DLGAP2: variants seen among roughly 807,000 people sequenced by gnomAD.
DLGAP2 encodes the protein disks large-associated protein 2.
Under a neutral mutation model 100.3 loss-of-function variants are expected in DLGAP2, and 26 were observed. The ratio of observed to expected loss-of-function variants is 0.26; its 90% CI spans 0.19 to 0.36. The LOEUF (loss-of-function observed/expected upper bound fraction) is 0.36. Among genes scored for constraint, DLGAP2 ranks in the 10% least tolerant of loss-of-function variants. The pLI, the probability that DLGAP2 is intolerant of heterozygous loss-of-function variation, is 1.00. For synonymous variants in DLGAP2, 886 were observed against 630.1 expected (o/e 1.41, Z -6.08); for missense variants, 1,858 against 1,453.2 (o/e 1.28, Z -4.53).
intron 2 of DLGAP2, among the ~76,000 whole-genome samples, chr8:973,522 C>T (rs976032239): frequency 9.2e-5 from 14 of 152,038 alleles, no homozygotes; most frequent in African/African-American, 2.4e-4. Flanking sequence ...GATGGGCGGC[C>T]GGGCAGAGAT....
intron 2 of DLGAP2, among the ~76,000 whole-genome samples, chr8:1,192,829 C>A (rs997795867): frequency 6.6e-6 from 1 of 151,954 alleles, no homozygotes; most frequent in Non-Finnish European, 1.5e-5. Flanking sequence ...CCACTCCCCC[C>A]ACCCCACAAC....
At chr8:1,389,201 A>T (rs1796288688) in intron 3 of DLGAP2, among the ~76,000 whole-genome samples, 1 of 152,072 alleles carries the variant, frequency 6.6e-6, no homozygotes, top group African/African-American at 2.4e-5. Context: ...GGACCTCTTT[A>T]TGGGAAATGC....
chr8:1,211,464 C>T (rs983097056), intron 2 of DLGAP2, among the ~76,000 whole-genome samples: 1 of 152,230 alleles, frequency 6.6e-6, no homozygotes, highest in Non-Finnish European at 1.5e-5. Flanking sequence ...ATCCAGAATT[C>T]ATTAAAAATT....
At chr8:958,057 C>G (rs1250047883) in intron 2 of DLGAP2, among the ~76,000 whole-genome samples, 1 of 152,160 alleles carries the variant, frequency 6.6e-6, no homozygotes, top group Non-Finnish European at 1.5e-5. Context: ...ACCCCCAGCC[C>G]CTGGCAGCCT....
intron 2 of DLGAP2, among the ~76,000 whole-genome samples, chr8:1,247,372 A>G (rs1476093638): frequency 6.9e-6 from 1 of 145,196 alleles, no homozygotes; most frequent in Non-Finnish European, 1.5e-5. Context: ...TGTGGGAGTG[A>G]TGGTCCATGT....
At chr8:1,477,557 G>A (rs1372296483) in intron 3 of DLGAP2, among the ~76,000 whole-genome samples, 1 of 152,152 alleles carries the variant, frequency 6.6e-6, no homozygotes, top group Non-Finnish European at 1.5e-5. Flanking sequence ...GCAGCCCGGT[G>A]GTCATCTTCA....
rs368796006 is a variant in DLGAP2 at position 1,386,823 on chromosome 8, C to T, written c.107-114543C>T. Among the ~76,000 whole-genome samples, 25 of 151,916 alleles carry T rather than the reference C, an allele frequency of 1.6e-4. No homozygotes were observed. In the East Asian group the frequency reaches 2.1e-3, roughly 13 times the overall value. On this transcript the variant is annotated intron_variant, in intron 3 of 14. Transcript: ENST00000637795. The stretch of plus-strand genomic sequence containing the variant: ...GGATTGATTTTTGAATGGGTTTTAC[C>T]ATATTGATGGAAAAAAAATGCTATG...
At chr8:1,091,713 G>C (rs2129041637) in intron 2 of DLGAP2, among the ~76,000 whole-genome samples, 1 of 152,218 alleles carries the variant, frequency 6.6e-6, no homozygotes, top group Middle Eastern at 3.4e-3. Flanking sequence ...TGGACGTCTG[G>C]GTTGTTGACG....
intron 1 of DLGAP2, among the ~76,000 whole-genome samples, chr8:866,286 G>T (rs1331625610): frequency 2.0e-5 from 3 of 152,210 alleles, no homozygotes; most frequent in African/African-American, 7.2e-5. Flanking sequence ...TCTACAAGGG[G>T]CCCTGATTCC....
intron 2 of DLGAP2, among the ~76,000 whole-genome samples, chr8:1,038,037 G>A (rs1055031808): frequency 2.6e-5 from 4 of 152,246 alleles, no homozygotes; most frequent in African/African-American, 9.6e-5. Flanking sequence ...TGTGGAGCCT[G>A]CGTGGGCAGT....
chr8:1,253,845 G>T (rs901666701), intron 2 of DLGAP2, among the ~76,000 whole-genome samples: 4 of 152,348 alleles, frequency 2.6e-5, no homozygotes, highest in Non-Finnish European at 2.9e-5. Context: ...CCTTGGGGAA[G>T]AATTCATTGA....
rs529620545 is a variant in DLGAP2 at position 918,993 on chromosome 8, T to C, written c.73+11027T>C. On this transcript the variant is annotated intron_variant, in intron 2 of 14. Coordinates refer to ENST00000637795, the MANE Select transcript of DLGAP2 (RefSeq NM_001346810.2). ...TCTCACTGTGTTGCCCAGGCTGGAGTGCAGTGGTGCGATCAGAACTCACTG... is the reference window on the plus strand; with the variant it reads ...TCTCACTGTGTTGCCCAGGCTGGAGCGCAGTGGTGCGATCAGAACTCACTG... 4.3e-4 allele frequency among the ~76,000 whole-genome samples: 65 copies of C among 152,248 alleles called. 1 individual carries two copies. Among genetic ancestry groups the C allele is most frequent in the African/African-American group, 1.5e-3 (62 of 41,536 alleles).
At chr8:1,021,065 A>G (rs1801610780) in intron 2 of DLGAP2, among the ~76,000 whole-genome samples, 2 of 152,228 alleles carry the variant, frequency 1.3e-5, no homozygotes, top group Admixed American at 1.3e-4. Context: ...ATGCAGACTC[A>G]TGGTACTGGA....
intron 4 of DLGAP2, among the ~76,000 whole-genome samples, chr8:1,502,776 C>T (rs1401612583): frequency 6.6e-6 from 1 of 152,202 alleles, no homozygotes; most frequent in Non-Finnish European, 1.5e-5. Context: ...GCTCAGCTGC[C>T]TTTGCACTGT....
chr8:1,391,660 A>G (rs1376105256), intron 3 of DLGAP2, among the ~76,000 whole-genome samples: 4 of 152,216 alleles, frequency 2.6e-5, no homozygotes, highest in Admixed American at 2.0e-4. Context: ...TGGGTTCATA[A>G]AAGGTTTAGA....
chr8:866,235 A>G lies in DLGAP2; in HGVS notation c.19-41677A>G, dbSNP rs372458305. On this transcript the variant is annotated intron_variant, in intron 1 of 14. Coordinates refer to ENST00000637795, the MANE Select transcript of DLGAP2 (RefSeq NM_001346810.2). Reference sequence around the variant, plus strand: ...CAGGCTTCTTACCCCAGGCCTGTCCAGATCTTCCGGGGCCGTGCCGGTATC... The same window carrying G: ...CAGGCTTCTTACCCCAGGCCTGTCCGGATCTTCCGGGGCCGTGCCGGTATC... Among the ~76,000 whole-genome samples the G allele has an allele frequency of 2.4e-3, 361 of 152,248 alleles. 1 individual carries two copies. Among genetic ancestry groups the G allele is most frequent in the African/African-American group, 8.4e-3 (350 of 41,566 alleles).
In DLGAP2 at chr8:1,434,046, C is replaced by T. The variant is rs531200014; in HGVS notation, c.107-67320C>T. Among the ~76,000 whole-genome samples, 24 of 152,246 alleles carry T rather than the reference C, an allele frequency of 1.6e-4. No individual in the cohort carries two copies. In the South Asian group the frequency reaches 3.9e-3, roughly 25 times the overall value. On this transcript the variant is annotated intron_variant, in intron 3 of 14. Transcript: ENST00000637795. ...CATGCCCTGCAAGAAAGTGTTTTTGCGAAGTCCCAGAAATGGCGCTGAATG... is the reference window on the plus strand; with the variant it reads ...CATGCCCTGCAAGAAAGTGTTTTTGTGAAGTCCCAGAAATGGCGCTGAATG...
chr8:1,448,838 T>C (rs1013220570), intron 3 of DLGAP2, among the ~76,000 whole-genome samples: 3 of 152,206 alleles, frequency 2.0e-5, no homozygotes, highest in African/African-American at 4.8e-5. Flanking sequence ...TGGAAAGATT[T>C]GGAGAAAGCC....
At chr8:1,418,595 A>G (rs1303873430) in intron 3 of DLGAP2, among the ~76,000 whole-genome samples, 1 of 152,192 alleles carries the variant, frequency 6.6e-6, no homozygotes, top group Non-Finnish European at 1.5e-5. Flanking sequence ...TCCGACGCCA[A>G]ATAAAAGGGA....
Sources: gnomAD v4.1 joint callset for allele counts (sites outside exome capture counted in the v4.1 genomes callset) on GRCh38, gnomAD v4.1.1 for gene constraint, MANE v1.5 for transcripts, NCBI Gene and HGNC (gene_info 2026-07-23, HGNC 2026-07-21) for gene names.